GJD4: variants seen among roughly 807,000 people sequenced by gnomAD.
GJD4 encodes gap junction delta-4 protein.
A neutral mutation model predicts 17.9 loss-of-function variants in GJD4; 18 were observed. The ratio of observed to expected loss-of-function variants is 1.00; its 90% CI spans 0.69 to 1.49. The LOEUF (loss-of-function observed/expected upper bound fraction) is 1.49. Among genes scored for constraint, GJD4 ranks in the 40% most tolerant of loss-of-function variants. The pLI is 0.00. For synonymous variants in GJD4, 293 were observed against 236.8 expected (o/e 1.24, Z -2.18); for missense variants, 639 against 506.9 (o/e 1.26, Z -2.50).
At position 35,607,693 on chromosome 10, in the gene GJD4, A is replaced by G. The variant is rs753260331; in HGVS notation, c.180A>G (p.Gly60=). The part of the protein sequence containing the change: ...ERFVCNTLQP[G]CANVCYDVFS... ...TTGTCTGCAACACGCTGCAGCCGGGATGCGCCAATGTTTGCTACGACGTCT... is the reference window on the plus strand; with the variant it reads ...TTGTCTGCAACACGCTGCAGCCGGGGTGCGCCAATGTTTGCTACGACGTCT... The change falls in exon 2 of 2, where the codon GGA becomes GGG. Residue 60 remains glycine (G), a synonymous_variant. Coordinates refer to ENST00000321660, the MANE Select transcript of GJD4 (RefSeq NM_153368.3). 5.6e-6 allele frequency: 9 copies of G among 1,614,046 alleles called. No homozygotes were observed. The highest frequency in any genetic ancestry group is 6.8e-6 in the Non-Finnish European group (8 of 1,179,962).
At position 35,608,567 on chromosome 10, in the gene GJD4, C is replaced by A. The variant is rs903879101; in HGVS notation, c.1054C>A (p.Pro352Thr). ...PSCSSLQPPD[P>T]PASSSGAPHL... is the part of the protein sequence containing the mutation. ...CTGCAGCAGCCTGCAGCCCCCTGAC[C>A]CGCCTGCCAGCTCCAGTGGTGCTCC... is the stretch of plus-strand genomic sequence containing the variant. Residue 352 changes from proline to threonine, a missense_variant, in exon 2 of 2, where the codon CCG becomes ACG. Physicochemically the swap from Pro to Thr is conservative, Grantham distance 38. Coordinates refer to ENST00000321660, the MANE Select transcript of GJD4 (RefSeq NM_153368.3). 1.9e-6 allele frequency: 3 copies of A among 1,554,400 alleles called. No homozygotes were observed. Among genetic ancestry groups the A allele is most frequent in the African/African-American group, 1.4e-5 (1 of 72,944 alleles).
chr10:35,605,499 A>G lies in GJD4; in HGVS notation c.-69A>G. 8.2e-7 allele frequency: 1 copy of G among 1,216,216 alleles called. No individual in the cohort carries two copies. The allele number at this position is 1,216,216 out of a possible 1,614,324, so 75.3% of individuals were successfully genotyped here. ...AGTCTTATGTAGTTAAAGGACATTT[A>G]TCCGCCTCCTTGGAGAACACAGCCC... On this transcript the variant is annotated 5_prime_UTR_variant, in exon 1 of 2. Coordinates refer to ENST00000321660, the MANE Select transcript of GJD4 (RefSeq NM_153368.3).
rs965123842 is a variant in GJD4 at position 35,608,902 on chromosome 10, C to T, written c.*276C>T. 47 of 255,510 alleles carry T rather than the reference C, an allele frequency of 1.8e-4. 1 individual carries two copies. Among genetic ancestry groups the T allele is most frequent in the South Asian group, 3.4e-4 (2 of 5,852 alleles). 15.8% of individuals were successfully genotyped at this position (255,510 alleles called of 1,614,324 possible). ...GCAGTGAGCCAAGATCACGGCACTG[C>T]GCTGCAGCCTGGGCAACACAGTGAG... is the stretch of plus-strand genomic sequence containing the variant. On this transcript the variant is annotated 3_prime_UTR_variant, in exon 2 of 2. Transcript: ENST00000321660.
rs751575347 is a variant in GJD4, at chr10:35,607,680, C to T, written c.167C>T (p.Thr56Met). 6.2e-7 allele frequency: 1 copy of T among 1,614,188 alleles called. No individual in the cohort carries two copies. Among genetic ancestry groups the T allele is most frequent in the South Asian group, 1.1e-5 (1 of 91,086 alleles). Residue 56 changes from threonine (T) to methionine (M), a missense_variant, in exon 2 of 2, where the codon ACG becomes ATG. Coordinates refer to ENST00000321660, the MANE Select transcript of GJD4 (RefSeq NM_153368.3). ...QDEQERFVCN[T>M]LQPGCANVCY... ...GAGCAGGAGAGGTTTGTCTGCAACACGCTGCAGCCGGGATGCGCCAATGTT... is the reference window on the plus strand; with the variant it reads ...GAGCAGGAGAGGTTTGTCTGCAACATGCTGCAGCCGGGATGCGCCAATGTT...
rs755271116 is a variant in GJD4 at position 35,608,211 on chromosome 10, G to T, written c.698G>T (p.Ser233Ile). Reference protein sequence around the residue: ...RMRRRPGPPTSPSIRKQSGAS... With the variant: ...RMRRRPGPPTIPSIRKQSGAS... ...CGCAGGAGGCCGGGACCCCCCACAA[G>T]CCCCTCCATCCGGAAGCAGAGCGGA... The change falls in exon 2 of 2, where the codon AGC (serine) becomes ATC (isoleucine). Residue 233 changes from serine (S) to isoleucine (I), a missense_variant. Coordinates refer to ENST00000321660, the MANE Select transcript of GJD4 (RefSeq NM_153368.3). 3.8e-6 allele frequency: 6 copies of T among 1,589,680 alleles called. No individual in the cohort carries two copies. The Admixed American group carries it at 5.2e-5, about 14-fold the overall frequency.
In GJD4 at chr10:35,608,423, G is replaced by T. The variant is rs781090050; in HGVS notation, c.910G>T (p.Glu304Ter). 1.9e-6 allele frequency: 3 copies of T among 1,549,186 alleles called. No homozygotes were observed. The highest frequency in any genetic ancestry group is 1.2e-5 in the South Asian group (1 of 84,034). ...GAGTGAGGTGACATCCTCCGCCAGCGAAAAGCTGGGCAGACAGCCCCGGGG... is the reference window on the plus strand; with the variant it reads ...GAGTGAGGTGACATCCTCCGCCAGCTAAAAGCTGGGCAGACAGCCCCGGGG... ...DESEVTSSASEKLGRQPRGRP... is the reference protein window; with the variant it reads ...DESEVTSSAS Residue 304 changes from glutamate to a stop codon, truncating the protein, a stop_gained, in exon 2 of 2, where the codon GAA (glutamate) becomes TAA (stop). Coordinates refer to ENST00000321660, the MANE Select transcript of GJD4 (RefSeq NM_153368.3). LOFTEE classifies it high-confidence loss of function.
rs765464798 is a variant in GJD4, at chr10:35,608,204, C to T, written c.691C>T (p.Pro231Ser). 1.4e-5 allele frequency: 23 copies of T among 1,589,856 alleles called. No individual in the cohort carries two copies. The highest frequency in any genetic ancestry group is 1.9e-5 in the Non-Finnish European group (22 of 1,173,444). ...GCGGATGCGCAGGAGGCCGGGACCC[C>T]CCACAAGCCCCTCCATCCGGAAGCA... ...RRRMRRRPGP[P>S]TSPSIRKQSG... Residue 231 changes from proline to serine, a missense_variant, in exon 2 of 2, where the codon CCC becomes TCC. Pro to Ser is a moderately conservative substitution (Grantham distance 74). Transcript: ENST00000321660.
In GJD4 at chr10:35,607,587, G is replaced by T. The variant is rs1473913843; in HGVS notation, c.74G>T (p.Trp25Leu). The T allele has an allele frequency of 6.2e-7, 1 of 1,613,866 alleles. No individual in the cohort carries two copies. Among genetic ancestry groups the T allele is most frequent in the Non-Finnish European group, 8.5e-7 (1 of 1,179,772 alleles). Reference protein sequence around the residue: ...NCNVTMVGKLWFVLTMLLRML... With the variant: ...NCNVTMVGKLLFVLTMLLRML... ...GCTTCCTCTCTTCCAGGAAAGCTCT[G>T]GTTCGTCCTCACGATGCTGCTGCGG... Residue 25 changes from tryptophan (W) to leucine (L), a missense_variant, in exon 2 of 2, where the codon TGG becomes TTG. Coordinates refer to ENST00000321660, the MANE Select transcript of GJD4 (RefSeq NM_153368.3).
Position 35,607,643 on chromosome 10 carries a change from G to C in GJD4, c.130G>C (p.Val44Leu), listed in dbSNP as rs140432471. Residue 44 changes from valine to leucine, a missense_variant, in exon 2 of 2, where the codon GTC becomes CTC. By Grantham distance (32) the Val-to-Leu change is conservative. Coordinates refer to ENST00000321660, the MANE Select transcript of GJD4 (RefSeq NM_153368.3). ...MLVIVLAGRP[V>L]YQDEQERFVC... ...GGTGATTGTCTTGGCGGGGCGACCCGTCTACCAGGACGAGCAGGAGAGGTT... is the reference window on the plus strand; with the variant it reads ...GGTGATTGTCTTGGCGGGGCGACCCCTCTACCAGGACGAGCAGGAGAGGTT... The C allele has an allele frequency of 1.2e-6, 2 of 1,614,198 alleles. No homozygotes were observed. Among genetic ancestry groups the C allele is most frequent in the South Asian group, 2.2e-5 (2 of 91,088 alleles).
chr10:35,607,467 T>C (rs940714955), intron 1 of GJD4, 111 bp from the exon 2 acceptor site: 3 of 708,714 alleles, frequency 4.2e-6, no homozygotes, highest in East Asian at 5.4e-5. Flanking sequence ...ACTAAAGACA[T>C]GCTTATTGAC....
At chr10:35,606,518 T>C (rs1016099142) in intron 1 of GJD4, 2 of 152,246 alleles carry the variant, frequency 1.3e-5, no homozygotes, top group South Asian at 2.1e-4. Flanking sequence ...GGAGATGCAG[T>C]TGATACTTTT....
Position 35,608,462 on chromosome 10 carries a change from G to A in GJD4, c.949G>A (p.Glu317Lys). Residue 317 changes from glutamate to lysine, a missense_variant, in exon 2 of 2, where the codon GAG becomes AAG. Transcript: ENST00000321660. ...ACAGCCCCGGGGCAGGCCCCACCGA[G>A]AGGCCGCCCAGGACCCCAGGGGCTC... ...GRQPRGRPHR[E>K]AAQDPRGSGS... 1.3e-6 allele frequency: 2 copies of A among 1,548,618 alleles called. No individual in the cohort carries two copies. Among genetic ancestry groups the A allele is most frequent in the Non-Finnish European group, 1.7e-6 (2 of 1,146,942 alleles).
chr10:35,607,134 T>C (rs1835465576), intron 1 of GJD4: 1 of 155,260 alleles, frequency 6.4e-6, no homozygotes, highest in African/African-American at 2.4e-5. Context: ...TCTGGACCTA[T>C]CAGTCCAGGA....
intron 1 of GJD4, chr10:35,605,899 G>A: frequency 4.2e-6 from 2 of 478,174 alleles, no homozygotes; most frequent in South Asian, 6.5e-5. Flanking sequence ...ATCCTGTGCT[G>A]ACACTGGGGT....
rs1835501569 is a variant in GJD4 at position 35,608,933 on chromosome 10, GTC to G, written c.*308_*309del. 6 of 101,548 alleles carry G rather than the reference GTC, an allele frequency of 5.9e-5. No individual in the cohort carries two copies. The highest frequency in any genetic ancestry group is 2.3e-4 in the East Asian group (1 of 4,358). 6.3% of individuals were successfully genotyped at this position (101,548 alleles called of 1,614,324 possible). ...AGCCTGGGCAACACAGTGAGACCCT[GTC>G]AAAAAAAAAAAAAAAAAAAAAAAGC... is the stretch of plus-strand genomic sequence containing the variant. On this transcript the variant is annotated 3_prime_UTR_variant, in exon 2 of 2. Coordinates refer to ENST00000321660, the MANE Select transcript of GJD4 (RefSeq NM_153368.3).
chr10:35,608,935 CAAAAAAAAAAAA>C (rs3067572), downstream of GJD4: 1 of 58,378 alleles, frequency 1.7e-5, no homozygotes. Flanking sequence ...GAGACCCTGT[CAAAAAAAAAAAA>C]AAAAAAAAAA....
rs750598826 is a variant in GJD4 at position 35,607,668 on chromosome 10, T to C, written c.155T>C (p.Phe52Ser). ...GTCTACCAGGACGAGCAGGAGAGGT[T>C]TGTCTGCAACACGCTGCAGCCGGGA... ...RPVYQDEQER[F>S]VCNTLQPGCA... Residue 52 changes from phenylalanine (F) to serine (S), a missense_variant, in exon 2 of 2, where the codon TTT (phenylalanine) becomes TCT (serine). Physicochemically the swap from Phe to Ser is radical, Grantham distance 155 (BLOSUM62 -2). Transcript: ENST00000321660. 1.9e-6 allele frequency: 3 copies of C among 1,614,192 alleles called. No homozygotes were observed. The highest frequency in any genetic ancestry group is 2.2e-5 in the East Asian group (1 of 44,886).
Position 35,607,810 on chromosome 10 carries a change from A to G in GJD4, c.297A>G (p.Arg99=). Residue 99 remains arginine (R), a synonymous_variant, in exon 2 of 2, where the codon CGA becomes CGG. Coordinates refer to ENST00000321660, the MANE Select transcript of GJD4 (RefSeq NM_153368.3). ...SAVFSVYVLH[R]GATLAALGPR... ...TCTTCAGCGTCTATGTCCTGCACCG[A>G]GGAGCCACGCTCGCCGCGCTGGGCC... The G allele has an allele frequency of 6.2e-7, 1 of 1,602,116 alleles. No individual in the cohort carries two copies.
At chr10:35,607,381 T>G in intron 1 of GJD4, 197 bp from the exon 2 acceptor site, 3 of 577,242 alleles carry the variant, frequency 5.2e-6, no homozygotes, top group East Asian at 2.9e-5. Context: ...AGGCCAGGAG[T>G]TCAAGACCAG....
Sources: allele counts gnomAD v4.1 joint callset, GRCh38; gene constraint gnomAD v4.1.1; transcripts MANE v1.5; gene names NCBI Gene and HGNC (gene_info 2026-07-23, HGNC 2026-07-21).